GSE1: variants seen among roughly 807,000 people sequenced by gnomAD.
GSE1 encodes genetic suppressor element 1.
Under a neutral mutation model 112.6 loss-of-function variants are expected in GSE1, and 32 were observed. That is an observed-to-expected ratio of 0.28 (90% CI 0.21 to 0.38). The LOEUF (loss-of-function observed/expected upper bound fraction) is 0.38, where lower values mean the gene tolerates loss of function less well. GSE1 is among the 10% of genes least tolerant of loss of function. The pLI is 1.00. For missense variants in GSE1, 2,348 were observed against 1,699.2 expected (o/e 1.38, Z -6.71); for synonymous variants, 1,115 against 735.6 (o/e 1.52, Z -8.35).
At chr16:85,624,123 C>T (rs1311696042) in intron 1 of GSE1, among the ~76,000 whole-genome samples, 4 of 152,202 alleles carry the variant, frequency 2.6e-5, no homozygotes, top group Admixed American at 6.5e-5. Flanking sequence ...CCTGCTGGCC[C>T]ATGCCCCCCG....
intron 2 of GSE1, among the ~76,000 whole-genome samples, chr16:85,363,602 G>A (rs1278616773): frequency 2.0e-5 from 3 of 152,216 alleles, no homozygotes; most frequent in Non-Finnish European, 1.5e-5. Context: ...GAAGGAGGGA[G>A]CGAGGGTAAT....
chr16:85,234,803 G>A (rs550711912), intron 1 of GSE1, among the ~76,000 whole-genome samples: 6 of 152,210 alleles, frequency 3.9e-5, no homozygotes, highest in Non-Finnish European at 7.4e-5. Context: ...GCTGGCGGGT[G>A]GGGTGGAGGC....
intron 2 of GSE1, among the ~76,000 whole-genome samples, chr16:85,411,779 T>C (rs1393278568): frequency 1.2e-3 from 8 of 6,736 alleles, no homozygotes; most frequent in Non-Finnish European, 5.0e-3. Context: ...AGGGCCCCCC[T>C]GGATAATCCT....
chr16:85,262,763 T>C (rs1010232438), intron 1 of GSE1, among the ~76,000 whole-genome samples: 2 of 152,194 alleles, frequency 1.3e-5, no homozygotes, highest in Non-Finnish European at 2.9e-5. Context: ...AAATTGGGTA[T>C]GGGAGTGATG....
chr16:85,237,299 G>A (rs1904761170), intron 1 of GSE1, among the ~76,000 whole-genome samples: 1 of 152,048 alleles, frequency 6.6e-6, no homozygotes, highest in Admixed American at 6.5e-5. Context: ...CTCCAGCCTG[G>A]GCGACAGAGC....
At chr16:85,265,368 G>A (rs888518849) in intron 1 of GSE1, among the ~76,000 whole-genome samples, 2 of 152,188 alleles carry the variant, frequency 1.3e-5, no homozygotes, top group African/African-American at 4.8e-5. Flanking sequence ...CTGCTGCTAA[G>A]GAAGGCTGAT....
chr16:85,182,138 C>T (rs1368506194), intron 1 of GSE1, among the ~76,000 whole-genome samples: 1 of 152,168 alleles, frequency 6.6e-6, no homozygotes, highest in African/African-American at 2.4e-5. Flanking sequence ...AGCGAGGGCT[C>T]CTGGGAAGCC....
chr16:85,274,908 G>A (rs952074230), intron 1 of GSE1, among the ~76,000 whole-genome samples: 1 of 152,216 alleles, frequency 6.6e-6, no homozygotes, highest in African/African-American at 2.4e-5. Context: ...CACTGCCCCT[G>A]TTCCAGTTCC....
rs945719271 is a variant in GSE1, at chr16:85,341,654, C to G, written c.2284-15809C>G. Reference sequence around the variant, plus strand: ...CCTGGGTGACTGAGTGAAACTCTGTCTCTAAATAAAAATAAATAAAAATTT... The same window carrying G: ...CCTGGGTGACTGAGTGAAACTCTGTGTCTAAATAAAAATAAATAAAAATTT... On this transcript the variant is annotated intron_variant, in intron 1 of 2. Coordinates refer to the GSE1 transcript ENST00000637419. 8.6e-5 allele frequency among the ~76,000 whole-genome samples: 13 copies of G among 151,788 alleles called. No individual in the cohort carries two copies. In the South Asian group the frequency reaches 1.9e-3, roughly 22 times the overall value.
At chr16:85,547,231 T>C (rs935716204) in intron 2 of GSE1, among the ~76,000 whole-genome samples, 1 of 152,212 alleles carries the variant, frequency 6.6e-6, no homozygotes, top group East Asian at 1.9e-4. Flanking sequence ...AGTGACAGGA[T>C]GTATTAGCTT....
At chr16:85,493,739 G>T (rs973041575) in intron 2 of GSE1, among the ~76,000 whole-genome samples, 1 of 142,808 alleles carries the variant, frequency 7.0e-6, no homozygotes, top group Admixed American at 7.4e-5. Context: ...GTGGTAAGCC[G>T]AGATCATGCC....
chr16:85,463,239 C>A, intron 2 of GSE1: 1 of 353,328 alleles, frequency 2.8e-6, no homozygotes, highest in Non-Finnish European at 4.0e-6. Flanking sequence ...CACCCAGCCT[C>A]GCCCTCCAGC....
intron 2 of GSE1, among the ~76,000 whole-genome samples, chr16:85,471,575 A>G (rs974639615): frequency 8.6e-5 from 13 of 151,708 alleles, no homozygotes; most frequent in African/African-American, 3.2e-4. Context: ...CCATGCCCAG[A>G]TAATTTTTTT....
At chr16:85,376,102 C>T (rs1434774676) in intron 2 of GSE1, among the ~76,000 whole-genome samples, 1 of 152,168 alleles carries the variant, frequency 6.6e-6, no homozygotes, top group Admixed American at 6.5e-5. Context: ...TCACGGTCCT[C>T]ACCCCCGCCA....
intron 5 of GSE1, among the ~76,000 whole-genome samples, chr16:85,655,246 C>T (rs1339763794): frequency 6.6e-6 from 1 of 152,196 alleles, no homozygotes; most frequent in Non-Finnish European, 1.5e-5. Context: ...CCGGGGGGTC[C>T]ATTGACAGCA....
At position 85,663,394 on chromosome 16, in the gene GSE1, G is replaced by A; in HGVS notation, c.2424G>A (p.Glu808=). Residue 808 remains glutamate, a synonymous_variant, in exon 11 of 16, where the codon GAG becomes GAA. Coordinates refer to ENST00000253458, the MANE Select transcript of GSE1 (RefSeq NM_014615.5). ...LFGLTTQQQK[E]ELVAQKRRKR... is the part of the protein sequence containing the mutation. ...GCTTGACCACCCAACAGCAGAAGGA[G>A]GAATTGGTGGCCCAGAAGCGGAGGA... The A allele has an allele frequency of 1.2e-6, 2 of 1,613,960 alleles. No homozygotes were observed. The highest frequency in any genetic ancestry group is 2.2e-5 in the East Asian group (1 of 44,880).
At chr16:85,241,072 C>T (rs571989638) in intron 1 of GSE1, among the ~76,000 whole-genome samples, 1 of 152,292 alleles carries the variant, frequency 6.6e-6, no homozygotes, top group South Asian at 2.1e-4. Context: ...AGGCTTTAGC[C>T]AGGCTTCCCC....
upstream of GSE1, chr16:85,169,515 C>T: frequency 1.2e-6 from 1 of 810,618 alleles, no homozygotes; most frequent in Non-Finnish European, 1.5e-6. Flanking sequence ...GCGGGCGGCG[C>T]GGCGCGGCCA....
At chr16:85,640,612 G>A (rs774018140) in intron 2 of GSE1, among the ~76,000 whole-genome samples, 15 of 152,244 alleles carry the variant, frequency 9.9e-5, no homozygotes, top group Non-Finnish European at 1.8e-4. Context: ...CGGGGACCAC[G>A]GAGCAGGGAC....
Sources: gnomAD v4.1 joint callset for allele counts (sites outside exome capture counted in the v4.1 genomes callset) on GRCh38, gnomAD v4.1.1 for gene constraint, MANE v1.5 for transcripts, NCBI Gene and HGNC (gene_info 2026-07-23, HGNC 2026-07-21) for gene names.